Variants in ACTN4 observed in about 807,000 individuals in gnomAD.
ACTN4 encodes the protein actinin alpha 4, also known as alpha-actinin-4.
ACTN4 carries 18 observed loss-of-function variants against 114.2 expected under a neutral mutation model. The ratio of observed to expected loss-of-function variants is 0.16; its 90% CI spans 0.11 to 0.23. ACTN4 has a LOEUF of 0.23. Among genes scored for constraint, ACTN4 ranks in the 10% least tolerant of loss-of-function variants. The pLI, the probability that ACTN4 is intolerant of heterozygous loss-of-function variation, is 1.00. For synonymous variants in ACTN4, 515 were observed against 506.3 expected (o/e 1.02, Z -0.23); for missense variants, 722 against 1,262.9 (o/e 0.57, Z 6.49).
intron 12 of ACTN4, 138 bp downstream of exon 12, chr19:38,721,826 A>G (rs1969056187): frequency 2.3e-6 from 3 of 1,299,912 alleles, no homozygotes; most frequent in Non-Finnish European, 3.2e-6. Flanking sequence ...ACCTCCTTCC[A>G]GAAGCCAGGG....
At chr19:38,698,140 C>T (rs535460482) in intron 1 of ACTN4, among the ~76,000 whole-genome samples, 1 of 152,222 alleles carries the variant, frequency 6.6e-6, no homozygotes, top group African/African-American at 2.4e-5. Flanking sequence ...ACTCCTGAGA[C>T]CAGGGCAGGG....
chr19:38,694,178 G>T (rs1212972175), intron 1 of ACTN4, among the ~76,000 whole-genome samples: 1 of 152,130 alleles, frequency 6.6e-6, no homozygotes, highest in East Asian at 1.9e-4. Context: ...TGCGAAGCGG[G>T]TGATCTGCTG....
intron 1 of ACTN4, among the ~76,000 whole-genome samples, chr19:38,670,813 C>G (rs1462485743): frequency 6.6e-6 from 1 of 151,724 alleles, no homozygotes; most frequent in East Asian, 1.9e-4. Context: ...ATCCCAGCTA[C>G]TCGGGAGGCT....
intron 1 of ACTN4, among the ~76,000 whole-genome samples, chr19:38,672,561 A>G (rs1280175144): frequency 1.1e-4 from 17 of 150,512 alleles, no homozygotes; most frequent in Admixed American, 9.3e-4. Context: ...TATTTGATCT[A>G]TGTTCTTTGT....
rs1417717287 is a variant in ACTN4 at position 38,724,849 on chromosome 19, C to CA, written c.2010+289dup. 6.6e-6 allele frequency among the ~76,000 whole-genome samples: 1 copy of CA among 152,172 alleles called. No individual in the cohort carries two copies. Among genetic ancestry groups the CA allele is most frequent in the Non-Finnish European group, 1.5e-5 (1 of 68,026 alleles). On this transcript the variant is annotated intron_variant, in intron 16 of 20. Transcript: ENST00000252699. The surrounding 1 kb of genome is among the most constrained non-coding windows in gnomAD (Gnocchi z 7.0). ...TGAGACCCCAACTCTACAAAAAATA[C>CA]AAAAATTAGCTGGGCATGATGGTGC... is the stretch of plus-strand genomic sequence containing the variant.
intron 1 of ACTN4, among the ~76,000 whole-genome samples, chr19:38,655,618 A>T (rs2144830968): frequency 6.6e-6 from 1 of 152,232 alleles, no homozygotes; most frequent in East Asian, 1.9e-4. Flanking sequence ...CTAGACTCGA[A>T]CATATGGCTC....
chr19:38,679,568 C>CGT (rs10583743), intron 1 of ACTN4, among the ~76,000 whole-genome samples: 24,615 of 145,408 alleles, frequency 0.17, 2,140 homozygotes, highest in Middle Eastern at 0.36. Flanking sequence ...TTTGGGTGTG[C>CGT]GTGTGTGTGT....
intron 1 of ACTN4, among the ~76,000 whole-genome samples, chr19:38,682,670 T>TC (rs1424867007): frequency 1.3e-5 from 2 of 152,080 alleles, no homozygotes; most frequent in Admixed American, 6.6e-5. Context: ...GCTGTGCTCC[T>TC]CCCCCATGAG....
At position 38,729,957 on chromosome 19, in the gene ACTN4, T is replaced by TGGC. The variant is rs1439494626; in HGVS notation, c.*526_*528dup. On this transcript the variant is annotated 3_prime_UTR_variant, in exon 21 of 21. Transcript: ENST00000252699. ...AGACTCACTTGCCATTGCCAGGAGA[T>TGGC]GGCCCCAACAAGCACCCCGCTTTTG... The TGGC allele has an allele frequency of 2.4e-5, 8 of 329,382 alleles. No homozygotes were observed. Among genetic ancestry groups the TGGC allele is most frequent in the African/African-American group, 1.5e-4 (7 of 46,060 alleles). 20.4% of individuals were successfully genotyped at this position (329,382 alleles called of 1,614,324 possible). A position where few individuals can be genotyped will look rare whatever the true frequency, so the allele number is the denominator to read the frequency against.
chr19:38,703,866 C>G (rs529032388), intron 3 of ACTN4, among the ~76,000 whole-genome samples: 1 of 152,054 alleles, frequency 6.6e-6, no homozygotes, highest in Non-Finnish European at 1.5e-5. Context: ...GAAGCTTACA[C>G]GATGAGAAGG....
At chr19:38,695,876 T>C (rs1217950716) in intron 1 of ACTN4, among the ~76,000 whole-genome samples, 1 of 151,888 alleles carries the variant, frequency 6.6e-6, no homozygotes, top group Non-Finnish European at 1.5e-5. Context: ...ACTCTTCAGC[T>C]CCCATCCCAG....
rs1377207369 is a variant in ACTN4, at chr19:38,731,106, C to A, written c.*1674C>A. On this transcript the variant is annotated 3_prime_UTR_variant, in exon 21 of 21. Transcript: ENST00000252699. ...CCCCACCATGCCGGGGTGGTACTCACAGAAGATGCAGGTGAGGTGGGCCAC... is the reference window on the plus strand; with the variant it reads ...CCCCACCATGCCGGGGTGGTACTCAAAGAAGATGCAGGTGAGGTGGGCCAC... The A allele has an allele frequency of 6.2e-7, 1 of 1,610,232 alleles. No homozygotes were observed. The highest frequency in any genetic ancestry group is 1.3e-5 in the African/African-American group (1 of 74,826).
chr19:38,656,217 A>T (rs1267467343), intron 1 of ACTN4, among the ~76,000 whole-genome samples: 1 of 152,124 alleles, frequency 6.6e-6, no homozygotes, highest in African/African-American at 2.4e-5. Context: ...GGCTCAAGCC[A>T]TCCCCCCACC....
At chr19:38,648,613 G>A (rs1220842144) in intron 1 of ACTN4, among the ~76,000 whole-genome samples, 1 of 151,906 alleles carries the variant, frequency 6.6e-6, no homozygotes, top group African/African-American at 2.4e-5. Flanking sequence ...TGAGGAGGGT[G>A]GGGTGCGGAA....
At position 38,731,572 on chromosome 19, in the gene ACTN4, T is replaced by C. The variant is rs933760384; in HGVS notation, c.*2140T>C. 6 of 343,464 alleles carry C rather than the reference T, an allele frequency of 1.7e-5. No homozygotes were observed. The highest frequency in any genetic ancestry group is 5.9e-5 in the East Asian group (1 of 16,830). The allele number at this position is 343,464 out of a possible 1,614,324, so 21.3% of individuals were successfully genotyped here. The stretch of plus-strand genomic sequence containing the variant: ...GGATATTTCTGTGCAGCAAAAAATA[T>C]AGTCAATCCCATATGGAGTCAGTTT... On this transcript the variant is annotated 3_prime_UTR_variant, in exon 21 of 21. Transcript: ENST00000252699.
At chr19:38,683,389 C>T (rs967153747) in intron 1 of ACTN4, among the ~76,000 whole-genome samples, 1 of 152,168 alleles carries the variant, frequency 6.6e-6, no homozygotes, top group Non-Finnish European at 1.5e-5. Flanking sequence ...GCTCTCTAAC[C>T]CAGACAGGAC....
intron 1 of ACTN4, among the ~76,000 whole-genome samples, chr19:38,685,783 A>G (rs1967722710): frequency 6.6e-6 from 1 of 152,072 alleles, no homozygotes; most frequent in South Asian, 2.1e-4. Flanking sequence ...TTTCACTGGA[A>G]TAGGATGGCC....
intron 1 of ACTN4, among the ~76,000 whole-genome samples, chr19:38,683,510 G>A (rs1174014434): frequency 6.6e-6 from 1 of 152,198 alleles, no homozygotes; most frequent in Non-Finnish European, 1.5e-5. Flanking sequence ...GTGGGAGGGA[G>A]AATGAGACAG....
At chr19:38,721,868 T>G (rs1457504806) in intron 12 of ACTN4, 180 bp downstream of exon 12, 1 of 890,550 alleles carries the variant, frequency 1.1e-6, no homozygotes, top group Non-Finnish European at 1.8e-6. Context: ...CTTTTGCCCA[T>G]CCTGTCTCAG....
Sources: gnomAD v4.1 joint callset for allele counts (sites outside exome capture counted in the v4.1 genomes callset) on GRCh38, gnomAD v4.1.1 for gene constraint, Gnocchi (gnomAD v3.1) non-coding constraint, MANE v1.5 for transcripts, NCBI Gene and HGNC (gene_info 2026-07-23, HGNC 2026-07-21) for gene names.